Variants in RGPD4 observed in about 807,000 individuals in gnomAD.
RGPD4 encodes RANBP2 like and GRIP domain containing 4.
Under a neutral mutation model 141.1 loss-of-function variants are expected in RGPD4, and 84 were observed. The ratio of observed to expected loss-of-function variants is 0.60; its 90% CI spans 0.50 to 0.71. RGPD4 has a LOEUF of 0.71. RGPD4 is among the 30% of genes least tolerant of loss of function. The pLI is 0.00. For synonymous variants in RGPD4, 298 were observed against 566.8 expected, an observed-to-expected ratio of 0.53 and a Z score of 6.74; for missense variants, 918 against 1,622.4, an observed-to-expected ratio of 0.57 and a Z score of 7.46.
In RGPD4 at chr2:107,892,465, G is replaced by A. The variant is rs1468594380; in HGVS notation, c.*1734G>A. 9.1e-6 allele frequency among the ~76,000 whole-genome samples: 1 copy of A among 109,426 alleles called. No homozygotes were observed. Among genetic ancestry groups the A allele is most frequent in the Non-Finnish European group, 1.8e-5 (1 of 54,172 alleles). 71.8% of individuals were successfully genotyped at this position (109,426 alleles called of 152,430 possible). A position where few individuals can be genotyped will look rare whatever the true frequency, so the allele number is the denominator to read the frequency against. ...GCATGATAAAAAATTGATTACAAAA[G>A]GCATATTCTTTCATGGTTTCTGCAA... On this transcript the variant is annotated 3_prime_UTR_variant, in exon 23 of 23. Coordinates refer to ENST00000408999, the MANE Select transcript of RGPD4 (RefSeq NM_182588.3).
intron 20 of RGPD4, among the ~76,000 whole-genome samples, chr2:107,877,842 T>A (rs1407165891): frequency 2.0e-5 from 3 of 151,764 alleles, no homozygotes; most frequent in East Asian, 1.9e-4. Flanking sequence ...TGAGCTGGAA[T>A]CTCGCTCTGT....
chr2:107,869,685 T>C (rs960244728), intron 18 of RGPD4, among the ~76,000 whole-genome samples, 198 bp from the exon 19 acceptor site: 1 of 144,738 alleles, frequency 6.9e-6, no homozygotes, highest in Non-Finnish European at 1.5e-5. Flanking sequence ...ATTCTTCATG[T>C]CATATTTAGC....
In RGPD4 at chr2:107,891,454, A is replaced by G. The variant is rs1352320675; in HGVS notation, c.*723A>G. 1.8e-5 allele frequency among the ~76,000 whole-genome samples: 2 copies of G among 113,888 alleles called. No individual in the cohort carries two copies. Among genetic ancestry groups the G allele is most frequent in the South Asian group, 3.2e-4 (1 of 3,144 alleles). 74.7% of individuals were successfully genotyped at this position (113,888 alleles called of 152,430 possible). On this transcript the variant is annotated 3_prime_UTR_variant, in exon 23 of 23. Transcript: ENST00000408999. ...GGTAAAAGTGACATGTTAAGGGGCT[A>G]TGAAGTAAATATGCTGCAGTTAATT...
At chr2:107,853,742 C>CT (rs534131532) in intron 7 of RGPD4, among the ~76,000 whole-genome samples, 22,627 of 45,998 alleles carry the variant, frequency 0.49, 6,003 homozygotes, top group Middle Eastern at 0.59. Context: ...TCTGTGTATG[C>CT]TTTTTTTTTT....
intron 12 of RGPD4, among the ~76,000 whole-genome samples, chr2:107,860,113 TA>T (rs1206794686): frequency 1.1e-4 from 5 of 47,566 alleles, no homozygotes; most frequent in Admixed American, 3.2e-4. Context: ...GCCTGAAAAT[TA>T]AAAAAAAATT....
chr2:107,887,404 T>C (rs1239323271), intron 22 of RGPD4, among the ~76,000 whole-genome samples: 1 of 152,238 alleles, frequency 6.6e-6, no homozygotes, highest in Non-Finnish European at 1.5e-5. Flanking sequence ...GACTGTATCA[T>C]CAGCTCTAGA....
intron 1 of RGPD4, among the ~76,000 whole-genome samples, chr2:107,829,718 G>A (rs975458000): frequency 4.6e-5 from 7 of 152,108 alleles, no homozygotes; most frequent in South Asian, 2.1e-4. Flanking sequence ...CTTTGGCGCC[G>A]GCGCTTCCTC....
At chr2:107,831,731 C>T (rs1321896059) in intron 1 of RGPD4, among the ~76,000 whole-genome samples, 2 of 147,704 alleles carry the variant, frequency 1.4e-5, no homozygotes, top group African/African-American at 5.0e-5. Flanking sequence ...CCACAACACC[C>T]GGCTAATTTT....
chr2:107,836,753 C>G, intron 2 of RGPD4, 84 bp downstream of exon 2: 1 of 929,088 alleles, frequency 1.1e-6, no homozygotes, highest in Non-Finnish European at 1.5e-6. Flanking sequence ...AAAAATATAT[C>G]CTTAGTAGTT....
intron 20 of RGPD4, 80 bp from the exon 21 acceptor site, chr2:107,879,888 A>G (rs1169207716): frequency 2.6e-6 from 4 of 1,535,230 alleles, no homozygotes; most frequent in East Asian, 2.3e-5. Context: ...TAAGATATTT[A>G]TATTTAGATT....
At chr2:107,849,653 G>C (rs1433724243) in intron 7 of RGPD4, among the ~76,000 whole-genome samples, 6 of 87,004 alleles carry the variant, frequency 6.9e-5, no homozygotes, top group Non-Finnish European at 1.4e-4. Context: ...TTACAGGCGT[G>C]AGCCACCATG....
intron 1 of RGPD4, among the ~76,000 whole-genome samples, chr2:107,830,551 C>A (rs572237108): frequency 2.0e-5 from 3 of 151,964 alleles, no homozygotes; most frequent in Non-Finnish European, 4.4e-5. Flanking sequence ...CTTTTTTTTC[C>A]CCCAAATTGA....
At chr2:107,844,898 C>T (rs1302327290) in intron 6 of RGPD4, among the ~76,000 whole-genome samples, 4 of 112,548 alleles carry the variant, frequency 3.6e-5, no homozygotes, top group Admixed American at 1.0e-4. Context: ...TGCAGTGGCA[C>T]GACCTTGACT....
intron 6 of RGPD4, among the ~76,000 whole-genome samples, chr2:107,845,435 A>T (rs1442266213): frequency 1.6e-4 from 24 of 149,850 alleles, no homozygotes; most frequent in African/African-American, 5.2e-4. Context: ...TCAGAGGGGG[A>T]GGCTCAGGAG....
intron 14 of RGPD4, 96 bp from the exon 15 acceptor site, chr2:107,861,498 T>A: frequency 1.6e-6 from 1 of 625,046 alleles, no homozygotes; most frequent in South Asian, 2.0e-5. Context: ...AGCTCCCGAG[T>A]AGCTGGGATT....
At position 107,879,955 on chromosome 2, in the gene RGPD4, C is replaced by A; in HGVS notation, c.4925-13C>A. 2 of 1,610,696 alleles carry A rather than the reference C, an allele frequency of 1.2e-6. No individual in the cohort carries two copies. The highest frequency in any genetic ancestry group is 2.2e-5 in the East Asian group (1 of 44,838). On this transcript the variant is annotated splice_polypyrimidine_tract_variant and intron_variant, in intron 20 of 22. Transcript: ENST00000408999. ...TGATTTTGAAAATTAATTCTTGGAA[C>A]AACATGTTGCAGAGCCTCCATTATG...
chr2:107,830,957 G>C (rs1681463040), intron 1 of RGPD4, among the ~76,000 whole-genome samples: 1 of 152,080 alleles, frequency 6.6e-6, no homozygotes, highest in Admixed American at 6.6e-5. Flanking sequence ...TCTGTAATCT[G>C]AGCACTTTGG....
chr2:107,890,393 A>C (rs1187576830), intron 22 of RGPD4, among the ~76,000 whole-genome samples: 2 of 136,366 alleles, frequency 1.5e-5, no homozygotes. Context: ...ACAAAAAAAC[A>C]AAAAATTACC....
intron 1 of RGPD4, among the ~76,000 whole-genome samples, chr2:107,828,843 C>T (rs1382105951): frequency 7.9e-5 from 1 of 12,628 alleles, no homozygotes; most frequent in Admixed American, 4.1e-4. Flanking sequence ...GCGGCGGCCT[C>T]GATGGCTCAG....
Sources: gnomAD v4.1 joint callset for allele counts (sites outside exome capture counted in the v4.1 genomes callset) on GRCh38, gnomAD v4.1.1 for gene constraint, MANE v1.5 for transcripts, NCBI Gene and HGNC (gene_info 2026-07-23, HGNC 2026-07-21) for gene names.